The following IMMP2L variants were observed in gnomAD, a reference collection of about 807,000 sequenced individuals.
IMMP2L encodes inner mitochondrial membrane peptidase subunit 2.
A neutral mutation model predicts 19.3 loss-of-function variants in IMMP2L; 18 were observed. The observed-to-expected ratio is 0.93, with a 90% CI of 0.64 to 1.38. IMMP2L has a LOEUF of 1.38. IMMP2L is among the 40% of genes most tolerant of loss of function. The pLI is 0.00. For missense variants in IMMP2L, 233 were observed against 218.2 expected, an observed-to-expected ratio of 1.07 and a Z score of -0.43; for synonymous variants, 76 against 73.0, an observed-to-expected ratio of 1.04 and a Z score of -0.21.
chr7:111,148,980 ATAGAG>A (rs1269899407), intron 3 of IMMP2L, among the ~76,000 whole-genome samples: 1 of 152,116 alleles, frequency 6.6e-6, no homozygotes, highest in East Asian at 1.9e-4. Flanking sequence ...AAGATCACAG[ATAGAG>A]TAAATAAAAT....
At chr7:111,378,741 G>A (rs576539178) in intron 3 of IMMP2L, among the ~76,000 whole-genome samples, 1 of 152,044 alleles carries the variant, frequency 6.6e-6, no homozygotes, top group South Asian at 2.1e-4. Context: ...TCCATTGTCT[G>A]AATCAGCTCA....
At chr7:110,907,509 G>A (rs2129547954) in intron 4 of IMMP2L, among the ~76,000 whole-genome samples, 1 of 151,458 alleles carries the variant, frequency 6.6e-6, no homozygotes, top group East Asian at 2.0e-4. Flanking sequence ...ATGGGGGATG[G>A]GGCGGGCCAT....
intron 2 of IMMP2L, among the ~76,000 whole-genome samples, chr7:111,516,721 A>T (rs929480300): frequency 3.9e-5 from 6 of 152,160 alleles, no homozygotes; most frequent in Non-Finnish European, 8.8e-5. Context: ...AGGTTACAGA[A>T]CTATGTAAAA....
chr7:111,281,190 GAAAGAAAGAAAGAA>G (rs1819756198), intron 3 of IMMP2L, among the ~76,000 whole-genome samples: 1 of 59,582 alleles, frequency 1.7e-5, no homozygotes, highest in Non-Finnish European at 3.4e-5. Flanking sequence ...AAGAAAGAAA[GAAAGAAAGAAAGAA>G]AGAAAGAAAG....
chr7:110,868,592 AC>A (rs2129543593), intron 5 of IMMP2L, among the ~76,000 whole-genome samples: 1 of 152,244 alleles, frequency 6.6e-6, no homozygotes, highest in South Asian at 2.1e-4. Context: ...GGCAAAGGAG[AC>A]ATACACAAAG....
intron 5 of IMMP2L, among the ~76,000 whole-genome samples, chr7:110,772,417 C>T (rs1266915843): frequency 6.6e-6 from 1 of 152,138 alleles, no homozygotes; most frequent in Non-Finnish European, 1.5e-5. Flanking sequence ...AAGCAGTCAC[C>T]CAATTTAACC....
At chr7:110,959,480 T>C (rs1818710590) in intron 4 of IMMP2L, among the ~76,000 whole-genome samples, 1 of 151,944 alleles carries the variant, frequency 6.6e-6, no homozygotes, top group South Asian at 2.1e-4. Context: ...ACATACCCCT[T>C]AACATTTGAC....
intron 5 of IMMP2L, among the ~76,000 whole-genome samples, chr7:110,731,357 A>G (rs1010067586): frequency 2.0e-5 from 3 of 152,198 alleles, no homozygotes; most frequent in Admixed American, 2.0e-4. Flanking sequence ...AAGGTGCTCA[A>G]TAAATGTTAA....
At chr7:111,223,565 C>T (rs1390309064) in intron 3 of IMMP2L, among the ~76,000 whole-genome samples, 1 of 152,018 alleles carries the variant, frequency 6.6e-6, no homozygotes, top group Non-Finnish European at 1.5e-5. Flanking sequence ...TTCATTAATT[C>T]ACACCACGTA....
intron 2 of IMMP2L, among the ~76,000 whole-genome samples, chr7:111,510,498 C>T (rs1302372428): frequency 6.6e-6 from 1 of 152,044 alleles, no homozygotes; most frequent in Non-Finnish European, 1.5e-5. Flanking sequence ...GAGACACTGC[C>T]TCTGCCAGAC....
chr7:110,720,492 T>G (rs10270652), intron 5 of IMMP2L, among the ~76,000 whole-genome samples: 116,511 of 152,074 alleles, frequency 0.77, 44,712 homozygotes, highest in East Asian at 0.83. Context: ...TGTCATAACT[T>G]TGTGAGGTTT....
At chr7:111,389,724 G>A (rs1218657700) in intron 3 of IMMP2L, among the ~76,000 whole-genome samples, 1 of 151,948 alleles carries the variant, frequency 6.6e-6, no homozygotes, top group Non-Finnish European at 1.5e-5. Flanking sequence ...ATTGTCAAAT[G>A]ATTAAAAAAC....
chr7:110,851,483 G>A lies in IMMP2L; in HGVS notation c.408+35110C>T, dbSNP rs895561525. 2.6e-5 allele frequency among the ~76,000 whole-genome samples: 4 copies of A among 152,228 alleles called. 1 individual carries two copies. In the Middle Eastern group the frequency reaches 0.01, roughly 388 times the overall value. On this transcript the variant is annotated intron_variant, in intron 5 of 5. Coordinates refer to ENST00000405709, the MANE Select transcript of IMMP2L (RefSeq NM_032549.4). The stretch of plus-strand genomic sequence containing the variant: ...TTCCTTGTCCTGAGACGTTGTTTAT[G>A]TTGCCTTTGAAGATATGATTCTGAA...
chr7:111,140,892 A>G (rs1802811292), intron 3 of IMMP2L, among the ~76,000 whole-genome samples: 1 of 152,248 alleles, frequency 6.6e-6, no homozygotes, highest in Admixed American at 6.5e-5. Flanking sequence ...AGAAATTAAT[A>G]CATTTGAGAG....
intron 3 of IMMP2L, among the ~76,000 whole-genome samples, chr7:111,456,633 C>G (rs377716873): frequency 7.0e-4 from 101 of 143,336 alleles, no homozygotes; most frequent in South Asian, 1.6e-3. Flanking sequence ...TAGTTTTTAG[C>G]CTTTTGTAAT....
chr7:110,671,245 C>T (rs975742959), intron 5 of IMMP2L, among the ~76,000 whole-genome samples: 1 of 152,136 alleles, frequency 6.6e-6, no homozygotes, highest in Non-Finnish European at 1.5e-5. Flanking sequence ...GATTATGCAT[C>T]AGCAGAAAAT....
intron 5 of IMMP2L, among the ~76,000 whole-genome samples, chr7:110,674,205 AG>A (rs1254211107): frequency 6.6e-6 from 1 of 152,166 alleles, no homozygotes; most frequent in Non-Finnish European, 1.5e-5. Flanking sequence ...GTCAAGCAAA[AG>A]GGGGAAAGCC....
At chr7:110,980,328 C>T (rs1381528921) in intron 3 of IMMP2L, among the ~76,000 whole-genome samples, 1 of 147,452 alleles carries the variant, frequency 6.8e-6, no homozygotes, top group Non-Finnish European at 1.5e-5. Context: ...CCCGGGTTCA[C>T]GCCATTCTCC....
chr7:110,912,160 A>G (rs1284577361), intron 4 of IMMP2L, among the ~76,000 whole-genome samples: 1 of 152,142 alleles, frequency 6.6e-6, no homozygotes, highest in Non-Finnish European at 1.5e-5. Context: ...CACATTGTAA[A>G]TGAAAGAAGG....
Sources: gnomAD v4.1 joint callset for allele counts (sites outside exome capture counted in the v4.1 genomes callset) on GRCh38, gnomAD v4.1.1 for gene constraint, MANE v1.5 for transcripts, NCBI Gene and HGNC (gene_info 2026-07-23, HGNC 2026-07-21) for gene names.